Variants in ENOSF1 observed in about 807,000 individuals in gnomAD.
The protein encoded by ENOSF1 is mitochondrial enolase superfamily member 1.
In ENOSF1, 73 loss-of-function variants were observed where a neutral mutation model predicts 68.2. The ratio of observed to expected loss-of-function variants is 1.07; its 90% CI spans 0.89 to 1.30. The LOEUF (loss-of-function observed/expected upper bound fraction) is 1.30, where lower values mean the gene tolerates loss of function less well. ENOSF1 is among the 50% of genes most tolerant of loss of function. The pLI, the probability that ENOSF1 is intolerant of heterozygous loss-of-function variation, is 0.00. For missense variants in ENOSF1, 589 were observed against 554.5 expected (o/e 1.06, Z -0.62); for synonymous variants, 223 against 210.4 (o/e 1.06, Z -0.52).
At chr18:690,518 G>A (rs184067800) in intron 8 of ENOSF1, 31 bp downstream of exon 8, 235 of 1,613,358 alleles carry the variant, frequency 1.5e-4, no homozygotes, top group Non-Finnish European at 1.4e-4. Flanking sequence ...TCCCCATTCA[G>A]CTGTCTACAA....
chr18:689,950 C>G (rs1490802540), intron 8 of ENOSF1, among the ~76,000 whole-genome samples: 2 of 152,050 alleles, frequency 1.3e-5, no homozygotes, highest in African/African-American at 4.8e-5. Flanking sequence ...TGAATCACAT[C>G]TAAATACTGA....
chr18:666,897 T>TGATGGTGATGGAGATGGAGATGGA (rs1555639491), downstream of ENOSF1, among the ~76,000 whole-genome samples: 1 of 48,192 alleles, frequency 2.1e-5, no homozygotes, highest in East Asian at 8.8e-4. Flanking sequence ...CGGGAGATGG[T>TGATGGTGATGGAGATGGAGATGGA]GATGGAGATG....
In ENOSF1 at chr18:683,239, T is replaced by C. The variant is rs201753913; in HGVS notation, c.876+7A>G. ...AGCTGCCACAGCAGCAGCAGCCGTT[T>C]TCCTACCTTGGAAATGGTGGCGTGC... is the stretch of plus-strand genomic sequence containing the variant. On this transcript the variant is annotated splice_region_variant and intron_variant, in intron 11 of 15. Coordinates refer to ENST00000647584, the MANE Select transcript of ENOSF1 (RefSeq NM_017512.7). 246 of 1,613,934 alleles carry C rather than the reference T, an allele frequency of 1.5e-4. No homozygotes were observed. The highest frequency in any genetic ancestry group is 3.3e-4 in the Middle Eastern group (2 of 6,082).
chr18:707,055 G>A (rs1219553272), intron 1 of ENOSF1, among the ~76,000 whole-genome samples: 1 of 152,044 alleles, frequency 6.6e-6, no homozygotes, highest in African/African-American at 2.4e-5. Flanking sequence ...CTGACCTCAG[G>A]TGATCCACCT....
chr18:707,321 G>A (rs548458225), intron 1 of ENOSF1, among the ~76,000 whole-genome samples: 44 of 152,280 alleles, frequency 2.9e-4, no homozygotes, highest in African/African-American at 9.9e-4. Flanking sequence ...CATCATGCCC[G>A]GAAGGGGCTC....
intron 13 of ENOSF1, 95 bp from the exon 14 acceptor site, chr18:677,539 G>A: frequency 8.1e-7 from 1 of 1,238,956 alleles, no homozygotes; most frequent in Non-Finnish European, 1.1e-6. Flanking sequence ...GCCCACAGGT[G>A]ATTAAATCAT....
At chr18:682,910 A>C (rs1259023216) in intron 11 of ENOSF1, 9 of 197,804 alleles carry the variant, frequency 4.5e-5, no homozygotes, top group Admixed American at 1.2e-4. Flanking sequence ...AACAAAAAAA[A>C]CCACCAAAAA....
rs2075156290 is a variant in ENOSF1 at position 673,347 on chromosome 18, A to AT, written c.*957dup. 1 of 231,264 alleles carries AT rather than the reference A, an allele frequency of 4.3e-6. No individual in the cohort carries two copies. The highest frequency in any genetic ancestry group is 8.5e-6 in the Non-Finnish European group (1 of 117,140). 14.3% of individuals were successfully genotyped at this position (231,264 alleles called of 1,614,324 possible). On this transcript the variant is annotated 3_prime_UTR_variant, in exon 16 of 16. Transcript: ENST00000647584. The stretch of plus-strand genomic sequence containing the variant: ...GAATTTCACAAGCTATTTTTGGAAT[A>AT]TTTTTAGAATATTTTAAGAATTTCA...
chr18:677,499 G>T, intron 13 of ENOSF1, 55 bp from the exon 14 acceptor site: 1 of 1,497,226 alleles, frequency 6.7e-7, no homozygotes, highest in Non-Finnish European at 9.1e-7. Flanking sequence ...AGAGGAAGGG[G>T]TGAAAGGGAA....
chr18:680,393 A>G (rs1283464949), intron 11 of ENOSF1, among the ~76,000 whole-genome samples: 1 of 152,228 alleles, frequency 6.6e-6, no homozygotes, highest in African/African-American at 2.4e-5. Flanking sequence ...AGGAAGGGGG[A>G]GGAGGAAAGG....
Position 671,345 on chromosome 18 carries a change from A to G in ENOSF1, c.*2960T>C. 1 of 1,359,280 alleles carries G rather than the reference A, an allele frequency of 7.4e-7. No homozygotes were observed. The highest frequency in any genetic ancestry group is 1.1e-6 in the Non-Finnish European group (1 of 947,614). The allele number at this position is 1,359,280 out of a possible 1,614,324, so 84.2% of individuals were successfully genotyped here. On this transcript the variant is annotated 3_prime_UTR_variant, in exon 16 of 16. Transcript: ENST00000647584. ...AATGATGTTTTAAAGAATTGAAACT[A>G]ACATACTGTTCTGCTTTCTCCCCCG... is the stretch of plus-strand genomic sequence containing the variant.
At chr18:687,326 A>G (rs1285065454) in intron 9 of ENOSF1, 1 of 152,182 alleles carries the variant, frequency 6.6e-6, no homozygotes, top group Non-Finnish European at 1.5e-5. Flanking sequence ...TAGCTGAGGC[A>G]TTAACAAGAA....
rs111447271 is a variant in ENOSF1, at chr18:674,325, G to A, written c.1312C>T (p.Leu438Phe). The A allele has an allele frequency of 8.0e-4, 1,292 of 1,610,586 alleles. 10 individuals are homozygous for A. The African/African-American group carries it at 0.015, about 19-fold the overall frequency. The change falls in exon 16 of 16, where the codon CTT (leucine) becomes TTT (phenylalanine). Residue 438 changes from leucine to phenylalanine, a missense_variant. Leu to Phe is a conservative substitution (Grantham distance 22, BLOSUM62 0). Transcript: ENST00000647584. ...AGCACTTAATTTTCTTGAGCAGGAA[G>A]GAGTTTCTTCCAAACTTCACCATCT... ...YPDGEVWKKL[L>F]PAQEN
At chr18:683,201 A>G (rs1568038008) in intron 11 of ENOSF1, 45 bp downstream of exon 11, 4 of 1,610,350 alleles carry the variant, frequency 2.5e-6, no homozygotes, top group Non-Finnish European at 3.4e-6. Flanking sequence ...CTGGAAAACT[A>G]AACAGAAAAA....
intron 2 of ENOSF1, among the ~76,000 whole-genome samples, chr18:706,123 G>A (rs541172927): frequency 1.3e-4 from 19 of 151,928 alleles, no homozygotes; most frequent in Middle Eastern, 3.4e-3. Flanking sequence ...TTGGTTACTC[G>A]CCCACTACAG....
chr18:697,417 G>A, intron 2 of ENOSF1, 62 bp from the exon 3 acceptor site: 1 of 1,192,298 alleles, frequency 8.4e-7, no homozygotes, highest in Non-Finnish European at 1.2e-6. Flanking sequence ...ATTAGCACCT[G>A]AAAACATCAC....
intron 7 of ENOSF1, 110 bp downstream of exon 7, chr18:690,958 C>T: frequency 7.6e-7 from 1 of 1,311,012 alleles, no homozygotes; most frequent in South Asian, 1.3e-5. Flanking sequence ...GAGGGCCTAG[C>T]TGCTCAGCAC....
At chr18:680,171 C>T (rs1188808130) in intron 11 of ENOSF1, among the ~76,000 whole-genome samples, 1 of 152,170 alleles carries the variant, frequency 6.6e-6, no homozygotes, top group Non-Finnish European at 1.5e-5. Flanking sequence ...TCCCTGATTC[C>T]GGTGCTGGCC....
chr18:693,563 T>C (rs2077418738), intron 5 of ENOSF1: 3 of 985,434 alleles, frequency 3.0e-6, no homozygotes, highest in South Asian at 9.4e-5. Context: ...GTGAGGTTCC[T>C]AGAGAAGTTA....
Sources: gnomAD v4.1 joint callset for allele counts (sites outside exome capture counted in the v4.1 genomes callset) on GRCh38, gnomAD v4.1.1 for gene constraint, MANE v1.5 for transcripts, NCBI Gene and HGNC (gene_info 2026-07-23, HGNC 2026-07-21) for gene names.